The following PCDH15 variants were observed in gnomAD, a reference collection of about 807,000 sequenced individuals.
The protein encoded by PCDH15 is protocadherin-15.
PCDH15 carries 129 observed loss-of-function variants against 178.5 expected under a neutral mutation model. That is an observed-to-expected ratio of 0.72 (90% CI 0.63 to 0.84). The LOEUF (loss-of-function observed/expected upper bound fraction) is 0.84. PCDH15 is among the 40% of genes least tolerant of loss of function. PCDH15 has a pLI of 0.00. For synonymous variants in PCDH15, 800 were observed against 732.0 expected, an observed-to-expected ratio of 1.09 and a Z score of -1.50; for missense variants, 2,230 against 2,099.9, an observed-to-expected ratio of 1.06 and a Z score of -1.21.
intron 9 of PCDH15, among the ~76,000 whole-genome samples, chr10:54,234,819 G>C (rs574747913): frequency 6.6e-6 from 1 of 152,252 alleles, no homozygotes; most frequent in East Asian, 1.9e-4. Flanking sequence ...ACGGTTGTAG[G>C]CTGATGAAAC....
chr10:54,317,293 G>A lies in PCDH15; in HGVS notation c.854C>T (p.Ala285Val), dbSNP rs768148484. 3.1e-6 allele frequency: 5 copies of A among 1,613,726 alleles called. No homozygotes were observed. The highest frequency in any genetic ancestry group is 4.2e-6 in the Non-Finnish European group (5 of 1,179,850). ...TACCGGAGTTCTCAACTCAGGTATG[G>A]CAGCTTGATAAGTGAGTGGACGGCA... ...RDCRPLTYQA[A>V]IPELRTPEEL... The change falls in exon 8 of 38, where the codon GCC (alanine) becomes GTC (valine). Residue 285 changes from alanine (A) to valine (V), a missense_variant. Transcript: ENST00000644397.
At chr10:54,020,532 G>C (rs1450461314) in intron 19 of PCDH15, 116 bp from the exon 20 acceptor site, 2 of 1,030,350 alleles carry the variant, frequency 1.9e-6, no homozygotes, top group African/African-American at 3.2e-5. Flanking sequence ...AGGACAAAAA[G>C]ACACGTTTTT....
chr10:55,479,935 A>C (rs560807207), intron 2 of PCDH15, among the ~76,000 whole-genome samples: 28 of 151,698 alleles, frequency 1.8e-4, no homozygotes, highest in Non-Finnish European at 3.8e-4. Flanking sequence ...TGTAAGAATA[A>C]ATTTAACAGC....
At chr10:54,493,724 A>G (rs1409396127) in intron 3 of PCDH15, among the ~76,000 whole-genome samples, 2 of 152,124 alleles carry the variant, frequency 1.3e-5, no homozygotes, top group Non-Finnish European at 1.5e-5. Flanking sequence ...TGACCCAGCC[A>G]TCCCATTACT....
At position 55,098,851 on chromosome 10, in the gene PCDH15, G is replaced by A. The variant is rs568301140; in HGVS notation, c.-80+67725C>T. ...CTCTCTCTTTGAAACAGAGAATACA[G>A]ATAACACTTTTGAGTTCCATGTGTT... On this transcript the variant is annotated intron_variant, in intron 2 of 5. Coordinates refer to the PCDH15 transcript ENST00000458638. Among the ~76,000 whole-genome samples, 20 of 146,782 alleles carry A rather than the reference G, an allele frequency of 1.4e-4. 1 individual carries two copies. Among genetic ancestry groups the A allele is most frequent in the African/African-American group, 5.1e-4 (20 of 39,126 alleles).
chr10:54,550,320 G>T (rs574580378), intron 2 of PCDH15, among the ~76,000 whole-genome samples: 2 of 152,016 alleles, frequency 1.3e-5, no homozygotes, highest in Admixed American at 1.3e-4. Context: ...CCTCTCTCTC[G>T]CTAGAAAAAT....
At chr10:53,952,102 C>T (rs1210607022) in intron 23 of PCDH15, among the ~76,000 whole-genome samples, 1 of 152,158 alleles carries the variant, frequency 6.6e-6, no homozygotes, top group Non-Finnish European at 1.5e-5. Flanking sequence ...TCAGGGAGCT[C>T]CTAGGTCTGG....
intron 3 of PCDH15, among the ~76,000 whole-genome samples, chr10:54,854,715 C>A (rs1437583913): frequency 6.6e-6 from 1 of 152,142 alleles, no homozygotes; most frequent in African/African-American, 2.4e-5. Flanking sequence ...TGGCTGATCC[C>A]AGGGCTTTTA....
intron 2 of PCDH15, among the ~76,000 whole-genome samples, chr10:54,986,255 C>A (rs1407981252): frequency 6.6e-6 from 1 of 150,890 alleles, no homozygotes; most frequent in African/African-American, 2.4e-5. Context: ...TCTGTCAAGT[C>A]AAATAAGTAA....
chr10:54,644,961 T>G (rs1046129160), intron 2 of PCDH15, among the ~76,000 whole-genome samples: 2 of 152,120 alleles, frequency 1.3e-5, no homozygotes, highest in Non-Finnish European at 2.9e-5. Flanking sequence ...AGAGGCCAGG[T>G]CCTCACCAGA....
At chr10:54,690,310 C>CTTTGACTACCT (rs1555151227) in intron 1 of PCDH15, among the ~76,000 whole-genome samples, 1 of 126,136 alleles carries the variant, frequency 7.9e-6, no homozygotes, top group Non-Finnish European at 1.6e-5. Flanking sequence ...ACAAGACTAC[C>CTTTGACTACCT]TTTTTTTTTT....
chr10:55,528,621 T>A (rs1841367581), intron 2 of PCDH15, among the ~76,000 whole-genome samples: 1 of 152,150 alleles, frequency 6.6e-6, no homozygotes, highest in Admixed American at 6.6e-5. Context: ...TAATCCAGTC[T>A]TTCATTGTTG....
At chr10:55,470,301 G>A (rs994165754) in intron 2 of PCDH15, among the ~76,000 whole-genome samples, 1 of 151,716 alleles carries the variant, frequency 6.6e-6, no homozygotes, top group Non-Finnish European at 1.5e-5. Flanking sequence ...AGTCGAGATG[G>A]TGCCACTGCA....
chr10:55,012,140 AT>A (rs1332075305), intron 2 of PCDH15, among the ~76,000 whole-genome samples: 2 of 152,004 alleles, frequency 1.3e-5, no homozygotes, highest in African/African-American at 4.8e-5. Flanking sequence ...TTCCTCTTTT[AT>A]TTAAAAATAA....
At chr10:55,396,932 CTG>C (rs1837944660) in intron 2 of PCDH15, among the ~76,000 whole-genome samples, 1 of 152,158 alleles carries the variant, frequency 6.6e-6, no homozygotes, top group Non-Finnish European at 1.5e-5. Context: ...GTATAAGTAA[CTG>C]AATCCATATA....
Position 54,378,764 on chromosome 10 carries a change from AG to A in PCDH15, c.318+17del, listed in dbSNP as rs1324437987. 6.2e-7 allele frequency: 1 copy of A among 1,612,902 alleles called. No individual in the cohort carries two copies. The highest frequency in any genetic ancestry group is 1.7e-5 in the Admixed American group (1 of 59,940). On this transcript the variant is annotated intron_variant, in intron 4 of 37. Transcript: ENST00000644397. Reference sequence around the variant, plus strand: ...TAATAAACTTATATTACAGGGGCAAAGAAAAAAAATCACTAACATCTCTATC... The same window carrying A: ...TAATAAACTTATATTACAGGGGCAAAAAAAAAAATCACTAACATCTCTATC...
At chr10:54,907,128 G>A (rs1245144680) in intron 2 of PCDH15, among the ~76,000 whole-genome samples, 2 of 152,118 alleles carry the variant, frequency 1.3e-5, no homozygotes, top group East Asian at 3.9e-4. Flanking sequence ...TATATTGGTA[G>A]GTCATTGATG....
intron 1 of PCDH15, among the ~76,000 whole-genome samples, chr10:54,667,616 T>G (rs945252674): frequency 2.0e-5 from 3 of 152,096 alleles, no homozygotes; most frequent in Non-Finnish European, 4.4e-5. Context: ...ATGAAAAGCC[T>G]GTCAAACAAC....
chr10:55,577,374 T>G (rs1842516953), intron 2 of PCDH15, among the ~76,000 whole-genome samples: 1 of 152,170 alleles, frequency 6.6e-6, no homozygotes, highest in South Asian at 2.1e-4. Context: ...ATCTTTACAT[T>G]TATGCAGTTG....
Sources: gnomAD v4.1 joint callset for allele counts (sites outside exome capture counted in the v4.1 genomes callset) on GRCh38, gnomAD v4.1.1 for gene constraint, MANE v1.5 for transcripts, NCBI Gene and HGNC (gene_info 2026-07-23, HGNC 2026-07-21) for gene names.